The following ACER3 variants were observed in gnomAD, a reference collection of about 807,000 sequenced individuals.
ACER3 encodes the protein alkCDase 3.
Under a neutral mutation model 48.9 loss-of-function variants are expected in ACER3, and 16 were observed. That is an observed-to-expected ratio of 0.33 (90% CI 0.22 to 0.50). The LOEUF is 0.50. Ranked by LOEUF, ACER3 falls within the 20% of genes least tolerant of loss-of-function variation. The pLI is 0.98. For synonymous variants in ACER3, 109 were observed against 107.8 expected (o/e 1.01, Z -0.07); for missense variants, 227 against 326.0 (o/e 0.70, Z 2.34).
intron 2 of ACER3, among the ~76,000 whole-genome samples, chr11:76,936,706 T>C (rs1201172308): frequency 8.0e-6 from 1 of 125,768 alleles, no homozygotes; most frequent in African/African-American, 2.5e-5. Context: ...CAATTTTTCT[T>C]TTCTTTCTTT....
intron 6 of ACER3, among the ~76,000 whole-genome samples, chr11:76,997,673 T>C (rs1358561356): frequency 2.7e-5 from 2 of 73,642 alleles, no homozygotes; most frequent in Non-Finnish European, 7.1e-5. Flanking sequence ...TTGTCTATAC[T>C]AAAAAGAAAA....
intron 2 of ACER3, among the ~76,000 whole-genome samples, chr11:76,937,188 C>G (rs1028004624): frequency 2.0e-5 from 3 of 152,138 alleles, no homozygotes; most frequent in Admixed American, 6.5e-5. Context: ...TACATTATTT[C>G]TCATTTATTA....
intron 3 of ACER3, among the ~76,000 whole-genome samples, chr11:76,975,603 CT>C (rs1312366193): frequency 6.6e-6 from 1 of 151,994 alleles, no homozygotes; most frequent in Non-Finnish European, 1.5e-5. Flanking sequence ...CTGATAGGAC[CT>C]ATGGACCTGT....
chr11:76,894,479 G>A (rs1256197957), intron 1 of ACER3, among the ~76,000 whole-genome samples: 1 of 152,102 alleles, frequency 6.6e-6, no homozygotes, highest in Non-Finnish European at 1.5e-5. Context: ...TTAGACTTAG[G>A]TTTTAATCCA....
intron 4 of ACER3, 51 bp downstream of exon 4, chr11:76,976,392 A>T: frequency 1.8e-6 from 2 of 1,130,728 alleles, no homozygotes; most frequent in Non-Finnish European, 2.6e-6. Context: ...ATTTATATTT[A>T]CCTCATAGTG....
At chr11:76,873,109 G>C (rs1344495877) in intron 1 of ACER3, among the ~76,000 whole-genome samples, 1 of 151,182 alleles carries the variant, frequency 6.6e-6, no homozygotes, top group Non-Finnish European at 1.5e-5. Flanking sequence ...AGAGATGCAG[G>C]GAATCTCGCT....
intron 7 of ACER3, among the ~76,000 whole-genome samples, chr11:77,010,603 T>C (rs1555021979): frequency 6.6e-6 from 1 of 152,114 alleles, no homozygotes; most frequent in African/African-American, 2.4e-5. Flanking sequence ...CATTATATAA[T>C]TGATGGGCAT....
intron 1 of ACER3, among the ~76,000 whole-genome samples, chr11:76,915,776 C>G (rs1946510893): frequency 6.6e-6 from 1 of 152,234 alleles, no homozygotes; most frequent in South Asian, 2.1e-4. Context: ...GGGAAGCAAA[C>G]TTGGACCTTT....
intron 8 of ACER3, among the ~76,000 whole-genome samples, chr11:77,016,110 GA>G (rs140924381): frequency 2.0e-4 from 25 of 126,350 alleles, no homozygotes; most frequent in East Asian, 9.1e-4. Context: ...CCGTCTCAGG[GA>G]AAAAAAAAAA....
chr11:76,924,214 T>C (rs1366228418), intron 1 of ACER3, among the ~76,000 whole-genome samples: 1 of 152,070 alleles, frequency 6.6e-6, no homozygotes, highest in East Asian at 1.9e-4. Flanking sequence ...TTGAAAATAG[T>C]TGTTTCATAT....
chr11:76,909,323 G>C (rs1946310869), intron 1 of ACER3, among the ~76,000 whole-genome samples: 1 of 152,122 alleles, frequency 6.6e-6, no homozygotes, highest in African/African-American at 2.4e-5. Flanking sequence ...ACTATCATCA[G>C]AGTGAACAGG....
intron 1 of ACER3, among the ~76,000 whole-genome samples, chr11:76,876,509 A>G (rs1369571278): frequency 1.3e-5 from 2 of 152,240 alleles, no homozygotes; most frequent in Non-Finnish European, 2.9e-5. Context: ...TAAAGCTGCT[A>G]TAAACATTCT....
rs562473832 is a variant in ACER3, at chr11:76,926,199, A to G, written c.104-358A>G. 2.6e-5 allele frequency among the ~76,000 whole-genome samples: 4 copies of G among 152,332 alleles called. No individual in the cohort carries two copies. The South Asian group carries it at 8.3e-4, about 32-fold the overall frequency. On this transcript the variant is annotated intron_variant, in intron 1 of 10. Transcript: ENST00000532485. ...GTATTCATCATGTCATACTGCATCC[A>G]TGGACCACAATTTCAGTGCATCAGT...
intron 1 of ACER3, among the ~76,000 whole-genome samples, chr11:76,914,533 A>C (rs1201087328): frequency 6.6e-6 from 1 of 152,204 alleles, no homozygotes; most frequent in East Asian, 1.9e-4. Context: ...ATCATTAAAA[A>C]GTCAGGAAAC....
At chr11:76,920,358 A>T (rs935511724) in intron 1 of ACER3, among the ~76,000 whole-genome samples, 9 of 152,196 alleles carry the variant, frequency 5.9e-5, no homozygotes, top group Non-Finnish European at 1.0e-4. Context: ...AGTAGATTTC[A>T]GCAAGCTCTA....
At chr11:76,914,487 A>T (rs1388163312) in intron 1 of ACER3, among the ~76,000 whole-genome samples, 1 of 152,198 alleles carries the variant, frequency 6.6e-6, no homozygotes, top group Non-Finnish European at 1.5e-5. Context: ...AATCAAAACC[A>T]CAATGAGATA....
chr11:76,866,678 T>C (rs1007890102), intron 1 of ACER3, among the ~76,000 whole-genome samples: 2 of 152,200 alleles, frequency 1.3e-5, no homozygotes, highest in African/African-American at 2.4e-5. Context: ...CTCAGAACAT[T>C]CCTATCAAGG....
At position 76,866,355 on chromosome 11, in the gene ACER3, A is replaced by G. The variant is rs543472596; in HGVS notation, c.103+5276A>G. ...CACCAGGAGACAAGGAGGCAACTCA[A>G]CTACATGCTTTGCTTTCTGTACATG... On this transcript the variant is annotated intron_variant, in intron 1 of 10. Transcript: ENST00000532485. 6.6e-5 allele frequency among the ~76,000 whole-genome samples: 10 copies of G among 152,330 alleles called. No homozygotes were observed. In the South Asian group the frequency reaches 2.1e-3, roughly 32 times the overall value.
At chr11:76,862,575 G>A (rs1479182986) in intron 1 of ACER3, among the ~76,000 whole-genome samples, 5 of 152,170 alleles carry the variant, frequency 3.3e-5, no homozygotes, top group Admixed American at 6.5e-5. Flanking sequence ...TGCACTCTGC[G>A]CTGGAAATGT....
Sources: gnomAD v4.1 joint callset for allele counts (sites outside exome capture counted in the v4.1 genomes callset) on GRCh38, gnomAD v4.1.1 for gene constraint, MANE v1.5 for transcripts, NCBI Gene and HGNC (gene_info 2026-07-23, HGNC 2026-07-21) for gene names.